ENPP1: variants seen among roughly 807,000 people sequenced by gnomAD.
The protein encoded by ENPP1 is ectonucleotide pyrophosphatase/phosphodiesterase family member 1.
Under a neutral mutation model 122.8 loss-of-function variants are expected in ENPP1, and 73 were observed. The ratio of observed to expected loss-of-function variants is 0.59; its 90% CI spans 0.49 to 0.72. The LOEUF (loss-of-function observed/expected upper bound fraction) is 0.72, where lower values mean the gene tolerates loss of function less well. ENPP1 is among the 30% of genes least tolerant of loss of function. The pLI is 0.00. For synonymous variants in ENPP1, 367 were observed against 391.6 expected, an observed-to-expected ratio of 0.94 and a Z score of 0.74; for missense variants, 978 against 1,128.1, an observed-to-expected ratio of 0.87 and a Z score of 1.91.
At chr6:131,874,389 T>C (rs1396932103) in intron 16 of ENPP1, 52 bp downstream of exon 16, 2 of 1,036,322 alleles carry the variant, frequency 1.9e-6, no homozygotes, top group Non-Finnish European at 3.0e-6. Flanking sequence ...AAAAATGATA[T>C]GCAAAGTTTT....
Position 131,890,661 on chromosome 6 carries a change from G to C in ENPP1, c.*150G>C, listed in dbSNP as rs571779819. The C allele has an allele frequency of 1.4e-6, 1 of 702,718 alleles. No homozygotes were observed. The highest frequency in any genetic ancestry group is 1.8e-5 in the African/African-American group (1 of 56,458). The allele number at this position is 702,718 out of a possible 1,614,324, so 43.5% of individuals were successfully genotyped here. ...ATGCGGACATCTCAGGGAAACTTGC[G>C]TACTCAGCACAGCAGTGGAGAGTGT... On this transcript the variant is annotated 3_prime_UTR_variant, in exon 25 of 25. Coordinates refer to ENST00000647893, the MANE Select transcript of ENPP1 (RefSeq NM_006208.3).
chr6:131,873,823 A>G (rs1211398629), intron 15 of ENPP1, among the ~76,000 whole-genome samples: 2 of 152,080 alleles, frequency 1.3e-5, no homozygotes, highest in African/African-American at 2.4e-5. Flanking sequence ...CAAAAAATAT[A>G]TATATATATG....
At chr6:131,839,115 T>C (rs1292512896) in intron 1 of ENPP1, among the ~76,000 whole-genome samples, 3 of 152,174 alleles carry the variant, frequency 2.0e-5, no homozygotes, top group Non-Finnish European at 4.4e-5. Context: ...CTTGAAGATC[T>C]TTTTACTGTC....
chr6:131,872,133 T>C (rs1201364496), intron 14 of ENPP1, 32 bp downstream of exon 14: 1 of 1,451,918 alleles, frequency 6.9e-7, no homozygotes, highest in Non-Finnish European at 9.6e-7. Flanking sequence ...TATCTAGTTA[T>C]TTTTACTTTT....
At chr6:131,836,264 T>C (rs1465266477) in intron 1 of ENPP1, among the ~76,000 whole-genome samples, 1 of 151,972 alleles carries the variant, frequency 6.6e-6, no homozygotes, top group Non-Finnish European at 1.5e-5. Context: ...AGGCACCCAC[T>C]GCCATGCCTG....
intron 13 of ENPP1, among the ~76,000 whole-genome samples, chr6:131,871,355 G>A (rs149852557): frequency 6.6e-6 from 1 of 152,206 alleles, no homozygotes. Context: ...AAATCCATGG[G>A]CATACTATGC....
intron 6 of ENPP1, among the ~76,000 whole-genome samples, chr6:131,856,048 T>A (rs1224509239): frequency 6.6e-6 from 1 of 152,108 alleles, no homozygotes; most frequent in African/African-American, 2.4e-5. Context: ...ATTATGCTTG[T>A]CTTATGAAGT....
At chr6:131,826,389 A>C in intron 1 of ENPP1, 1 of 988,998 alleles carries the variant, frequency 1.0e-6, no homozygotes, top group Non-Finnish European at 1.6e-6. Context: ...GCAGATTCTC[A>C]ATATTAATAG....
intron 20 of ENPP1, among the ~76,000 whole-genome samples, chr6:131,882,024 AT>A (rs1782316269): frequency 7.0e-6 from 1 of 143,842 alleles, no homozygotes; most frequent in African/African-American, 2.8e-5. Context: ...TCTTAAAAAA[AT>A]AATAATAATA....
intron 9 of ENPP1, among the ~76,000 whole-genome samples, chr6:131,863,690 G>A (rs1026451279): frequency 5.9e-5 from 9 of 151,720 alleles, no homozygotes; most frequent in East Asian, 1.9e-4. Flanking sequence ...TGAGGCAGGC[G>A]GATCACGAGG....
intron 1 of ENPP1, among the ~76,000 whole-genome samples, chr6:131,832,844 T>C (rs2114672748): frequency 6.7e-6 from 1 of 149,816 alleles, no homozygotes; most frequent in African/African-American, 2.4e-5. Flanking sequence ...TAAGGGTAAC[T>C]GCTTACATGG....
chr6:131,880,117 C>G (rs1782282497), intron 20 of ENPP1, 83 bp downstream of exon 20: 3 of 1,386,732 alleles, frequency 2.2e-6, no homozygotes, highest in Admixed American at 1.7e-5. Flanking sequence ...TCTCACTGTT[C>G]ACCTTGGCTT....
intron 1 of ENPP1, among the ~76,000 whole-genome samples, chr6:131,815,177 C>T (rs184047650): frequency 6.1e-4 from 93 of 152,238 alleles, no homozygotes; most frequent in Admixed American, 2.1e-3. Context: ...AGAAGGCAGA[C>T]GGGGCCTCTG....
At chr6:131,870,558 A>G (rs1325134412) in intron 13 of ENPP1, among the ~76,000 whole-genome samples, 1 of 152,174 alleles carries the variant, frequency 6.6e-6, no homozygotes, top group Non-Finnish European at 1.5e-5. Flanking sequence ...TCTGACAATT[A>G]CCGGAATTGG....
chr6:131,837,580 T>TA (rs1781693299), intron 1 of ENPP1, among the ~76,000 whole-genome samples: 1 of 145,820 alleles, frequency 6.9e-6, no homozygotes, highest in Non-Finnish European at 1.5e-5. Context: ...CCAAAGTTTA[T>TA]AAAATAACTC....
In ENPP1 at chr6:131,860,493, A is replaced by G; in HGVS notation, c.902A>G (p.Tyr301Cys). 6.3e-7 allele frequency: 1 copy of G among 1,595,200 alleles called. No individual in the cohort carries two copies. The highest frequency in any genetic ancestry group is 8.6e-7 in the Non-Finnish European group (1 of 1,164,036). ...KSKEKFNPEW[Y>C]KGEPIWVTAK... ...AAAGAGAAATTTAATCCTGAGTGGT[A>G]CAAAGGAGAACCAGTGAGTTCTTTG... The change falls in exon 8 of 25, where the codon TAC becomes TGC. Residue 301 changes from tyrosine (Y) to cysteine (C), a missense_variant. By Grantham distance (194) the Tyr-to-Cys change is radical. Coordinates refer to ENST00000647893, the MANE Select transcript of ENPP1 (RefSeq NM_006208.3).
intron 17 of ENPP1, 66 bp downstream of exon 17, chr6:131,875,929 G>A (rs2114718818): frequency 7.5e-7 from 1 of 1,339,052 alleles, no homozygotes; most frequent in Non-Finnish European, 1.1e-6. Flanking sequence ...ATCAAAAGCA[G>A]GTCACATTGT....
chr6:131,851,219 T>G lies in ENPP1; in HGVS notation c.508T>G (p.Cys170Gly). 6.2e-7 allele frequency: 1 copy of G among 1,614,124 alleles called. No homozygotes were observed. ...AAGCCTCTGTGCCTGTTCAGATGAC[T>G]GCAAGGACAAGGGCGACTGCTGCAT... ...TRSLCACSDD[C>G]KDKGDCCINY... The change falls in exon 4 of 25, where the codon TGC (cysteine) becomes GGC (glycine). Residue 170 changes from cysteine (C) to glycine (G), a missense_variant. Cys to Gly is a radical substitution (Grantham distance 159). Coordinates refer to ENST00000647893, the MANE Select transcript of ENPP1 (RefSeq NM_006208.3).
At chr6:131,837,982 A>G (rs1023353498) in intron 1 of ENPP1, among the ~76,000 whole-genome samples, 2 of 152,076 alleles carry the variant, frequency 1.3e-5, no homozygotes, top group African/African-American at 4.8e-5. Flanking sequence ...ACTATTATCT[A>G]TCTTGCCTTA....
Sources: gnomAD v4.1 joint callset for allele counts (sites outside exome capture counted in the v4.1 genomes callset) on GRCh38, gnomAD v4.1.1 for gene constraint, MANE v1.5 for transcripts, NCBI Gene and HGNC (gene_info 2026-07-23, HGNC 2026-07-21) for gene names.